The following CDH8 variants were observed in gnomAD, a reference collection of about 807,000 sequenced individuals.
CDH8 encodes cadherin-8.
Under a neutral mutation model 68.1 loss-of-function variants are expected in CDH8, and 17 were observed. The ratio of observed to expected loss-of-function variants is 0.25; its 90% CI spans 0.17 to 0.37. The LOEUF (loss-of-function observed/expected upper bound fraction) is 0.37, where lower values mean the gene tolerates loss of function less well. CDH8 is among the 10% of genes least tolerant of loss of function. The pLI, the probability that CDH8 is intolerant of heterozygous loss-of-function variation, is 1.00. For synonymous variants in CDH8, 372 were observed against 365.1 expected (o/e 1.02, Z -0.21); for missense variants, 763 against 999.3 (o/e 0.76, Z 3.19).
chr16:61,952,889 C>G (rs1964920473), intron 2 of CDH8, among the ~76,000 whole-genome samples: 1 of 152,086 alleles, frequency 6.6e-6, no homozygotes, highest in South Asian at 2.1e-4. Flanking sequence ...CTTAGAATAC[C>G]TAGGTAACAA....
intron 8 of CDH8, among the ~76,000 whole-genome samples, chr16:61,746,557 A>G (rs1475353812): frequency 5.7e-5 from 1 of 17,604 alleles, no homozygotes. Flanking sequence ...TTCCCCCCCA[A>G]CACACACACA....
intron 8 of CDH8, among the ~76,000 whole-genome samples, chr16:61,772,844 C>T (rs1169965530): frequency 6.6e-6 from 1 of 151,994 alleles, no homozygotes; most frequent in Non-Finnish European, 1.5e-5. Context: ...CCAGGTGATT[C>T]TGACGCACCA....
chr16:61,919,045 G>A (rs1964310622), intron 2 of CDH8, among the ~76,000 whole-genome samples: 1 of 147,116 alleles, frequency 6.8e-6, no homozygotes, highest in Non-Finnish European at 1.5e-5. Context: ...GCACCCCCCA[G>A]CAGGGGCATA....
chr16:61,994,104 G>A (rs2150591653), intron 2 of CDH8, among the ~76,000 whole-genome samples: 1 of 152,274 alleles, frequency 6.6e-6, no homozygotes, highest in African/African-American at 2.4e-5. Flanking sequence ...GTGGGGCTAA[G>A]TATATGTCTC....
chr16:61,789,247 A>C, intron 8 of CDH8, 99 bp downstream of exon 8: 11 of 1,011,078 alleles, frequency 1.1e-5, no homozygotes, highest in Non-Finnish European at 1.6e-5. Flanking sequence ...TTCCAATGTC[A>C]AGGTACCTAA....
chr16:61,887,698 G>GAT (rs1319498872), intron 3 of CDH8, among the ~76,000 whole-genome samples: 2 of 152,022 alleles, frequency 1.3e-5, no homozygotes, highest in Non-Finnish European at 2.9e-5. Context: ...GAGATACTAA[G>GAT]AGTTATGGAT....
At chr16:61,682,041 C>T (rs1964021321) in intron 10 of CDH8, among the ~76,000 whole-genome samples, 1 of 151,864 alleles carries the variant, frequency 6.6e-6, no homozygotes, top group African/African-American at 2.4e-5. Context: ...AAGAAATAGA[C>T]ATTCCCACAA....
chr16:61,827,091 GCAA>G (rs2143002193), intron 4 of CDH8, among the ~76,000 whole-genome samples: 1 of 151,884 alleles, frequency 6.6e-6, no homozygotes, highest in South Asian at 2.1e-4. Context: ...GCAAAAAACA[GCAA>G]CAAAGACAAC....
chr16:61,796,836 C>T (rs565848167), intron 7 of CDH8, among the ~76,000 whole-genome samples: 1 of 152,154 alleles, frequency 6.6e-6, no homozygotes, highest in African/African-American at 2.4e-5. Flanking sequence ...AAGCCAATGT[C>T]ACCAGTTCAT....
intron 2 of CDH8, among the ~76,000 whole-genome samples, chr16:61,991,564 G>A (rs904271247): frequency 2.6e-5 from 4 of 152,120 alleles, no homozygotes; most frequent in East Asian, 1.9e-4. Flanking sequence ...AGAATACATC[G>A]TCATCTACTT....
chr16:61,803,856 C>T (rs1369210374), intron 7 of CDH8, among the ~76,000 whole-genome samples: 1 of 134,784 alleles, frequency 7.4e-6, no homozygotes, highest in Non-Finnish European at 1.6e-5. Flanking sequence ...TAGACTCCCA[C>T]ACATTAATAA....
intron 8 of CDH8, among the ~76,000 whole-genome samples, chr16:61,782,778 AC>A (rs35879793): frequency 2.4e-4 from 37 of 152,070 alleles, no homozygotes; most frequent in Non-Finnish European, 3.7e-4. Context: ...TGGGTCCCTG[AC>A]CCCTGACCCC....
intron 2 of CDH8, among the ~76,000 whole-genome samples, chr16:62,005,019 G>C (rs192794432): frequency 1.3e-5 from 2 of 152,176 alleles, no homozygotes; most frequent in African/African-American, 4.8e-5. Flanking sequence ...GCTTTCTTCT[G>C]CTACCTCAAA....
At chr16:61,849,497 A>C (rs11075440) in intron 4 of CDH8, among the ~76,000 whole-genome samples, 26,061 of 152,062 alleles carry the variant, frequency 0.17, 2,335 homozygotes, top group East Asian at 0.23. Flanking sequence ...ATGTAACAGA[A>C]TTAGCCACCC....
At chr16:62,008,868 A>G (rs1255664611) in intron 2 of CDH8, among the ~76,000 whole-genome samples, 2 of 152,146 alleles carry the variant, frequency 1.3e-5, no homozygotes, top group African/African-American at 4.8e-5. Flanking sequence ...ATGTTCCTAC[A>G]AAGTCAAGGA....
chr16:61,771,575 G>A (rs1025933933), intron 8 of CDH8, among the ~76,000 whole-genome samples: 1 of 151,578 alleles, frequency 6.6e-6, no homozygotes, highest in African/African-American at 2.4e-5. Flanking sequence ...TTGGACAGAG[G>A]CGCTCTAAAA....
Position 61,859,759 on chromosome 16 carries a change from C to T in CDH8, c.548-2521G>A, listed in dbSNP as rs569504413. Among the ~76,000 whole-genome samples, 4 of 152,248 alleles carry T rather than the reference C, an allele frequency of 2.6e-5. 1 individual carries two copies. The South Asian group carries it at 8.3e-4, about 32-fold the overall frequency. The stretch of plus-strand genomic sequence containing the variant: ...TGCTATGGTTTGGATGTGTCTCCTC[C>T]AAAATTCAGGTGTTGCTAACATAAC... On this transcript the variant is annotated intron_variant, in intron 3 of 11. Coordinates refer to ENST00000577390, the MANE Select transcript of CDH8 (RefSeq NM_001796.5).
At chr16:61,758,330 C>T (rs1042148476) in intron 8 of CDH8, among the ~76,000 whole-genome samples, 1 of 152,096 alleles carries the variant, frequency 6.6e-6, no homozygotes, top group African/African-American at 2.4e-5. Flanking sequence ...ATAGCTTTTT[C>T]TCAATACCTA....
intron 3 of CDH8, among the ~76,000 whole-genome samples, chr16:61,868,969 A>T (rs1963306711): frequency 6.6e-6 from 1 of 152,166 alleles, no homozygotes; most frequent in South Asian, 2.1e-4. Flanking sequence ...GTGAGATAAG[A>T]GAAAGAAAAG....
Sources: allele counts gnomAD v4.1 joint callset (sites outside exome capture counted in the v4.1 genomes callset), GRCh38; gene constraint gnomAD v4.1.1; transcripts MANE v1.5; gene names NCBI Gene and HGNC (gene_info 2026-07-23, HGNC 2026-07-21).